OR9G1: variants seen among roughly 807,000 people sequenced by gnomAD.
OR9G1 encodes olfactory receptor 9G1.
In OR9G1, 21 loss-of-function variants were observed where a neutral mutation model predicts 14.5. The ratio of observed to expected loss-of-function variants is 1.45; its 90% CI spans 1.03 to 2.09. The LOEUF (loss-of-function observed/expected upper bound fraction) is 2.09. OR9G1 is among the 30% of genes most tolerant of loss of function. The pLI is 0.00. For synonymous variants in OR9G1, 179 were observed against 153.3 expected, an observed-to-expected ratio of 1.17 and a Z score of -1.24; for missense variants, 476 against 364.2, an observed-to-expected ratio of 1.31 and a Z score of -2.50.
Position 56,701,452 on chromosome 11 carries a change from G to T in OR9G1, c.*147G>T. ...CAGACATGTACAATAAGAAAATTAG[G>T]AAAATTTCGGACAAAAACATCTGAA... is the stretch of plus-strand genomic sequence containing the variant. On this transcript the variant is annotated 3_prime_UTR_variant, in exon 2 of 2. Coordinates refer to ENST00000642097, the MANE Select transcript of OR9G1 (RefSeq NM_001005213.2). The T allele has an allele frequency of 8.7e-7, 1 of 1,151,342 alleles. No homozygotes were observed. The highest frequency in any genetic ancestry group is 1.2e-6 in the Non-Finnish European group (1 of 860,048). The allele number at this position is 1,151,342 out of a possible 1,614,324, so 71.3% of individuals were successfully genotyped here.
At position 56,700,886 on chromosome 11, in the gene OR9G1, T is replaced by A; in HGVS notation, c.499T>A (p.Phe167Ile). The A allele has an allele frequency of 6.2e-7, 1 of 1,614,270 alleles. No homozygotes were observed. Among genetic ancestry groups the A allele is most frequent in the Non-Finnish European group, 8.5e-7 (1 of 1,180,016 alleles). ...CACCAAGAAAACGTTTTCCTTTAAC[T>A]TCTGCCGTGAAAACATCATTGATGA... is the stretch of plus-strand genomic sequence containing the variant. ...IITKKTFSFN[F>I]CRENIIDDFF... The change falls in exon 2 of 2, where the codon TTC becomes ATC. Residue 167 changes from phenylalanine (F) to isoleucine (I), a missense_variant. Physicochemically the swap from Phe to Ile is conservative, Grantham distance 21. Around this residue, in one of 3 missense-constraint regions of OR9G1, gnomAD observed 352 missense variants for 211.6 expected, o/e 1.66. Coordinates refer to ENST00000642097, the MANE Select transcript of OR9G1 (RefSeq NM_001005213.2).
In OR9G1 at chr11:56,701,330, G is replaced by T; in HGVS notation, c.*25G>T. 6.4e-7 allele frequency: 1 copy of T among 1,572,692 alleles called. No homozygotes were observed. Among genetic ancestry groups the T allele is most frequent in the Non-Finnish European group, 8.6e-7 (1 of 1,166,518 alleles). ...AATCAAGATTATCTCCACCAGAGGAGAAACAAAGACGACCTTAGATGGAGT... is the reference window on the plus strand; with the variant it reads ...AATCAAGATTATCTCCACCAGAGGATAAACAAAGACGACCTTAGATGGAGT... On this transcript the variant is annotated 3_prime_UTR_variant, in exon 2 of 2. Coordinates refer to ENST00000642097, the MANE Select transcript of OR9G1 (RefSeq NM_001005213.2).
rs1158336411 is a variant in OR9G1, at chr11:56,700,116, T to C, written c.-18-254T>C. Among the ~76,000 whole-genome samples the C allele has an allele frequency of 2.6e-5, 4 of 152,420 alleles. No individual in the cohort carries two copies. The East Asian group carries it at 5.8e-4, about 22-fold the overall frequency. On this transcript the variant is annotated intron_variant, in intron 1 of 1. Coordinates refer to ENST00000642097, the MANE Select transcript of OR9G1 (RefSeq NM_001005213.2). The stretch of plus-strand genomic sequence containing the variant: ...GAAGAGGATCAAAGTATAAGAAAAA[T>C]AGCAATTATAAGTACATCTTTTCTT...
In OR9G1 at chr11:56,701,030, G is replaced by A. The variant is rs778299609; in HGVS notation, c.643G>A (p.Ala215Thr). Reference protein sequence around the residue: ...NVICPAVLILASYLFIITSVL... With the variant: ...NVICPAVLILTSYLFIITSVL... ...CATCTGCCCCGCAGTGCTCATCCTG[G>A]CCTCCTACCTCTTTATCATCACCAG... Residue 215 changes from alanine to threonine, a missense_variant, in exon 2 of 2, where the codon GCC (alanine) becomes ACC (threonine). By Grantham distance (58) the Ala-to-Thr change is moderately conservative. This residue lies in a region of OR9G1 where 352 missense variants were observed against 211.6 expected (regional missense o/e 1.66). Transcript: ENST00000642097. 44 of 1,614,152 alleles carry A rather than the reference G, an allele frequency of 2.7e-5. No individual in the cohort carries two copies. In the East Asian group the frequency reaches 5.6e-4, roughly 20 times the overall value.
chr11:56,703,029 T>C lies in OR9G1; in HGVS notation c.*1724T>C, dbSNP rs1857669684. On this transcript the variant is annotated 3_prime_UTR_variant, in exon 2 of 2. Transcript: ENST00000642097. ...CATTGTCTTTTACCCCATACATATA[T>C]AAAATTATGGTTTATCAATATGAAT... is the stretch of plus-strand genomic sequence containing the variant. 1 of 19,996 alleles carries C rather than the reference T, an allele frequency of 5.0e-5. No homozygotes were observed. Among genetic ancestry groups the C allele is most frequent in the Admixed American group, 4.5e-4 (1 of 2,198 alleles). The allele number at this position is 19,996 out of a possible 1,614,324, so 1.2% of individuals were successfully genotyped here.
rs1232139827 is a variant in OR9G1 at position 56,701,503 on chromosome 11, C to T, written c.*198C>T. ...TATATAAGAATTTGAATTGAATTTC[C>T]TATCTCTCTTATTAAAAACAAACAT... On this transcript the variant is annotated 3_prime_UTR_variant, in exon 2 of 2. Coordinates refer to ENST00000642097, the MANE Select transcript of OR9G1 (RefSeq NM_001005213.2). The T allele has an allele frequency of 1.3e-6, 1 of 776,622 alleles. No homozygotes were observed. The highest frequency in any genetic ancestry group is 1.9e-6 in the Non-Finnish European group (1 of 528,796). The allele number at this position is 776,622 out of a possible 1,614,324, so 48.1% of individuals were successfully genotyped here.
chr11:56,700,813 G>A lies in OR9G1; in HGVS notation c.426G>A (p.Leu142=), dbSNP rs576039065. 6.2e-7 allele frequency: 1 copy of A among 1,614,314 alleles called. No individual in the cohort carries two copies. The highest frequency in any genetic ancestry group is 1.1e-5 in the South Asian group (1 of 91,090). ...AQAMSIKLCA[L]LVAVSYCGGF... is the part of the protein sequence containing the mutation. Reference sequence around the variant, plus strand: ...CCATGTCCATAAAGCTGTGTGCATTGCTGGTAGCAGTCTCATATTGTGGTG... The same window carrying A: ...CCATGTCCATAAAGCTGTGTGCATTACTGGTAGCAGTCTCATATTGTGGTG... The change falls in exon 2 of 2, where the codon TTG becomes TTA. Residue 142 remains leucine, a synonymous_variant. Coordinates refer to ENST00000642097, the MANE Select transcript of OR9G1 (RefSeq NM_001005213.2).
chr11:56,699,735 TC>T (rs2135016665), intron 1 of OR9G1, among the ~76,000 whole-genome samples: 1 of 146,106 alleles, frequency 6.8e-6, no homozygotes, highest in Admixed American at 6.9e-5. Flanking sequence ...AACTGGTGTT[TC>T]AATTATTGTT....
chr11:56,700,251 A>G, intron 1 of OR9G1, 119 bp from the exon 2 acceptor site: 3 of 1,421,396 alleles, frequency 2.1e-6, no homozygotes, highest in Admixed American at 5.8e-5. Flanking sequence ...ACTTTCTAAA[A>G]CAAACAATTA....
In OR9G1 at chr11:56,700,987, C is replaced by G. The variant is rs777927291; in HGVS notation, c.600C>G (p.Phe200Leu). The G allele has an allele frequency of 6.2e-7, 1 of 1,614,258 alleles. No individual in the cohort carries two copies. Residue 200 changes from phenylalanine to leucine, a missense_variant, in exon 2 of 2, where the codon TTC (phenylalanine) becomes TTG (leucine). Coordinates refer to ENST00000642097, the MANE Select transcript of OR9G1 (RefSeq NM_001005213.2). ...GCGGCTATAAAATTATGATGTACTT[C>G]CTGCTGGCCTCCAATGTCATCTGCC... The part of the protein sequence containing the change: ...EKGGYKIMMY[F>L]LLASNVICPA...
rs1202993868 is a variant in OR9G1 at position 56,701,892 on chromosome 11, T to C, written c.*587T>C. ...GAAGAAAAAATTCATCAAGATGCCA[T>C]ATATATGATTTTTGTAATTCACTGT... On this transcript the variant is annotated 3_prime_UTR_variant, in exon 2 of 2. Transcript: ENST00000642097. 1 of 152,298 alleles carries C rather than the reference T, an allele frequency of 6.6e-6. No homozygotes were observed. The highest frequency in any genetic ancestry group is 6.5e-5 in the Admixed American group (1 of 15,290). The allele number at this position is 152,298 out of a possible 1,614,324, so 9.4% of individuals were successfully genotyped here.
rs775275363 is a variant in OR9G1, at chr11:56,700,409, G to T, written c.22G>T (p.Val8Leu). ...AGCCATGCAGAGGAGCAATCATACA[G>T]TGACTGAGTTTATACTGCTGGGCTT... The part of the protein sequence containing the change: MQRSNHT[V>L]TEFILLGFTT... Residue 8 changes from valine (V) to leucine (L), a missense_variant, in exon 2 of 2, where the codon GTG becomes TTG. Physicochemically the swap from Val to Leu is conservative, Grantham distance 32. Around this residue, in one of 3 missense-constraint regions of OR9G1, gnomAD observed 89 missense variants for 85.1 expected, o/e 1.05. Coordinates refer to ENST00000642097, the MANE Select transcript of OR9G1 (RefSeq NM_001005213.2). The T allele has an allele frequency of 6.2e-7, 1 of 1,614,296 alleles. No individual in the cohort carries two copies. Among genetic ancestry groups the T allele is most frequent in the South Asian group, 1.1e-5 (1 of 91,090 alleles).
intron 1 of OR9G1, 87 bp from the exon 2 acceptor site, chr11:56,700,282 AC>A: frequency 2.2e-4 from 1 of 4,558 alleles, no homozygotes. Context: ...TCTAGACTTC[AC>A]GAAACACTGC....
In OR9G1 at chr11:56,701,115, A is replaced by G. The variant is rs746325716; in HGVS notation, c.728A>G (p.His243Arg). 2 of 1,614,314 alleles carry G rather than the reference A, an allele frequency of 1.2e-6. No individual in the cohort carries two copies. Among genetic ancestry groups the G allele is most frequent in the South Asian group, 1.1e-5 (1 of 91,092 alleles). ...AAAGCCTTCTCCACATGCTCCTCCCACCTGACCTCTGTCACTTTATACTAT... is the reference window on the plus strand; with the variant it reads ...AAAGCCTTCTCCACATGCTCCTCCCGCCTGACCTCTGTCACTTTATACTAT... ...YLKAFSTCSS[H>R]LTSVTLYYGS... Residue 243 changes from histidine (H) to arginine (R), a missense_variant, in exon 2 of 2, where the codon CAC becomes CGC. Coordinates refer to ENST00000642097, the MANE Select transcript of OR9G1 (RefSeq NM_001005213.2).
At chr11:56,700,191 A>C (rs1352753766) in intron 1 of OR9G1, among the ~76,000 whole-genome samples, 179 bp from the exon 2 acceptor site, 1 of 152,312 alleles carries the variant, frequency 6.6e-6, no homozygotes, top group African/African-American at 2.4e-5. Context: ...CAACTTAAGA[A>C]ATTTAGAATT....
rs774711604 is a variant in OR9G1, at chr11:56,701,056, T to G, written c.669T>G (p.Ser223Arg). ...ILASYLFIIT[S>R]VLRISSSKGY... ...CCTCCTACCTCTTTATCATCACCAG[T>G]GTCTTGAGGATCTCCTCCTCCAAGG... Residue 223 changes from serine to arginine, a missense_variant, in exon 2 of 2, where the codon AGT becomes AGG. By Grantham distance (110) the Ser-to-Arg change is moderately radical. Around this residue, in one of 3 missense-constraint regions of OR9G1, gnomAD observed 352 missense variants for 211.6 expected, o/e 1.66. Transcript: ENST00000642097. 7.4e-6 allele frequency: 12 copies of G among 1,614,182 alleles called. No individual in the cohort carries two copies. In the African/African-American group the frequency reaches 1.2e-4, roughly 16 times the overall value.
In OR9G1 at chr11:56,703,817, G is replaced by A. The variant is rs1857685796; in HGVS notation, c.*2512G>A. Reference sequence around the variant, plus strand: ...TATCCATATATTGTAAACATAGCTCGCTAAGTGCATATTCATATTATTTTA... The same window carrying A: ...TATCCATATATTGTAAACATAGCTCACTAAGTGCATATTCATATTATTTTA... On this transcript the variant is annotated 3_prime_UTR_variant, in exon 2 of 2. Transcript: ENST00000642097. 1 of 152,096 alleles carries A rather than the reference G, an allele frequency of 6.6e-6. No homozygotes were observed. The highest frequency in any genetic ancestry group is 1.5e-5 in the Non-Finnish European group (1 of 67,918). 9.4% of individuals were successfully genotyped at this position (152,096 alleles called of 1,614,324 possible).
Position 56,703,305 on chromosome 11 carries a change from G to A in OR9G1, c.*2000G>A, listed in dbSNP as rs1165395818. 6.6e-6 allele frequency: 1 copy of A among 152,276 alleles called. No individual in the cohort carries two copies. The highest frequency in any genetic ancestry group is 1.9e-4 in the East Asian group (1 of 5,204). 9.4% of individuals were successfully genotyped at this position (152,276 alleles called of 1,614,324 possible). A position where few individuals can be genotyped will look rare whatever the true frequency, so the allele number is the denominator to read the frequency against. ...AATCATGGACATTACAAAGTAAGTG[G>A]GTGCAAGAAATAAAATCAATGCAAG... On this transcript the variant is annotated 3_prime_UTR_variant, in exon 2 of 2. Coordinates refer to ENST00000642097, the MANE Select transcript of OR9G1 (RefSeq NM_001005213.2).
chr11:56,701,256 G>T lies in OR9G1; in HGVS notation c.869G>T (p.Ser290Ile), dbSNP rs1253532619. Residue 290 changes from serine to isoleucine, a missense_variant, in exon 2 of 2, where the codon AGC becomes ATC. Physicochemically the swap from Ser to Ile is moderately radical, Grantham distance 142. Transcript: ENST00000642097. Reference sequence around the variant, plus strand: ...CCCATGTTGAATCTCATGATCTACAGCCTAAGGAATAAGGATGTGAAAGAG... The same window carrying T: ...CCCATGTTGAATCTCATGATCTACATCCTAAGGAATAAGGATGTGAAAGAG... The part of the protein sequence containing the change: ...VFPMLNLMIY[S>I]LRNKDVKEAL... 1.2e-6 allele frequency: 2 copies of T among 1,614,008 alleles called. No homozygotes were observed. The highest frequency in any genetic ancestry group is 3.3e-5 in the Admixed American group (2 of 60,034).
Sources: allele counts gnomAD v4.1 joint callset (sites outside exome capture counted in the v4.1 genomes callset), GRCh38; gene constraint gnomAD v4.1.1; regional missense constraint gnomAD v4.1.1; transcripts MANE v1.5; gene names NCBI Gene and HGNC (gene_info 2026-07-23, HGNC 2026-07-21).